Variants in CALN1 observed in about 807,000 individuals in gnomAD.
CALN1 encodes calcium-binding protein 8.
Under a neutral mutation model 30.6 loss-of-function variants are expected in CALN1, and 17 were observed. That is an observed-to-expected ratio of 0.56 (90% CI 0.38 to 0.83). The LOEUF (loss-of-function observed/expected upper bound fraction) is 0.83. CALN1 is among the 40% of genes least tolerant of loss of function. CALN1 has a pLI of 0.00. For missense variants in CALN1, 291 were observed against 354.9 expected (o/e 0.82, Z 1.45); for synonymous variants, 156 against 131.4 (o/e 1.19, Z -1.28).
chr7:72,219,034 T>G (rs955539511), intron 3 of CALN1, among the ~76,000 whole-genome samples: 2 of 152,204 alleles, frequency 1.3e-5, no homozygotes, highest in Non-Finnish European at 2.9e-5. Context: ...GCACCCTACC[T>G]GAATTACCCC....
intron 4 of CALN1, among the ~76,000 whole-genome samples, chr7:72,044,226 C>A (rs1000284128): frequency 1.3e-5 from 2 of 152,148 alleles, no homozygotes; most frequent in Non-Finnish European, 2.9e-5. Flanking sequence ...ACAGGAGGAG[C>A]AAATCAGATT....
intron 3 of CALN1, among the ~76,000 whole-genome samples, chr7:72,144,529 AT>A (rs1004283386): frequency 1.3e-5 from 2 of 152,168 alleles, no homozygotes. Flanking sequence ...TAATGGGAGA[AT>A]TTAACACTCC....
At chr7:72,336,871 G>C in intron 2 of CALN1, 1 of 984,972 alleles carries the variant, frequency 1.0e-6, no homozygotes, top group Non-Finnish European at 1.2e-6. Context: ...TCCCCGTGCC[G>C]GCATCCTCGC....
chr7:72,162,591 T>C (rs1170271359), intron 3 of CALN1, among the ~76,000 whole-genome samples: 1 of 151,206 alleles, frequency 6.6e-6, no homozygotes, highest in Non-Finnish European at 1.5e-5. Flanking sequence ...AAAAAAAAAT[T>C]AGCCAGGCAT....
At chr7:71,959,636 T>A (rs1797138119) in intron 5 of CALN1, among the ~76,000 whole-genome samples, 1 of 145,028 alleles carries the variant, frequency 6.9e-6, no homozygotes, top group Non-Finnish European at 1.5e-5. Context: ...TTTTTTTTTT[T>A]AAGTGGGGGA....
the CALN1 span, among the ~76,000 whole-genome samples, chr7:72,453,722 T>C: frequency 4.6e-5 from 7 of 152,220 alleles, no homozygotes; most frequent in Admixed American, 4.6e-4. Flanking sequence ...AGAATTTTCC[T>C]TGGAGATTCC....
rs201761475 is a variant in CALN1 at position 71,857,022 on chromosome 7, G to GTA, written c.502-46531_502-46530insTA. Reference sequence around the variant, plus strand: ...CCTCATGGTGTGTATATGTATGTGTGTGTGTGTGTGTGTGTGTGTGTGTGT... The same window carrying GTA: ...CCTCATGGTGTGTATATGTATGTGTGTATGTGTGTGTGTGTGTGTGTGTGTGT... On this transcript the variant is annotated intron_variant, in intron 5 of 6. Coordinates refer to ENST00000395275, the MANE Select transcript of CALN1 (RefSeq NM_031468.4). 1.7e-3 allele frequency among the ~76,000 whole-genome samples: 177 copies of GTA among 106,800 alleles called. 3 individuals carry two copies. The highest frequency in any genetic ancestry group is 0.014 in the East Asian group (22 of 1,562). The allele number at this position is 106,800 out of a possible 152,430, so 70.1% of individuals were successfully genotyped here.
chr7:72,315,253 C>A (rs1352848273), intron 2 of CALN1, among the ~76,000 whole-genome samples: 1 of 152,052 alleles, frequency 6.6e-6, no homozygotes, highest in Non-Finnish European at 1.5e-5. Context: ...GTAATAAAGG[C>A]TACTATTCTT....
chr7:72,223,200 G>T (rs532096639), intron 3 of CALN1, among the ~76,000 whole-genome samples: 3 of 152,188 alleles, frequency 2.0e-5, no homozygotes, highest in Admixed American at 2.0e-4. Flanking sequence ...GAGGAGAAGA[G>T]GGGTTCCCAT....
intron 2 of CALN1, among the ~76,000 whole-genome samples, chr7:72,372,304 C>T (rs1804294457): frequency 6.6e-6 from 1 of 152,058 alleles, no homozygotes; most frequent in South Asian, 2.1e-4. Flanking sequence ...TATGTGGTCC[C>T]AAATGGATGG....
the CALN1 span, among the ~76,000 whole-genome samples, chr7:72,468,554 T>C: frequency 1.2e-4 from 18 of 152,296 alleles, no homozygotes; most frequent in Admixed American, 5.2e-4. Flanking sequence ...GCTGAAGTGA[T>C]CTGCCAGACT....
At chr7:71,898,460 A>G (rs1429403076) in intron 5 of CALN1, among the ~76,000 whole-genome samples, 1 of 152,222 alleles carries the variant, frequency 6.6e-6, no homozygotes, top group Non-Finnish European at 1.5e-5. Flanking sequence ...CTCCTGAATG[A>G]TACCGGTAGA....
In CALN1 at chr7:72,308,364, T is replaced by G. The variant is rs866761712; in HGVS notation, c.120-29554A>C. On this transcript the variant is annotated intron_variant, in intron 2 of 6. Coordinates refer to ENST00000395275, the MANE Select transcript of CALN1 (RefSeq NM_031468.4). ...GGGCCACAGAGTGAGATGCTGTCTGTGGGGGGGGGAGAGAGAGAGAGAGAG... is the reference window on the plus strand; with the variant it reads ...GGGCCACAGAGTGAGATGCTGTCTGGGGGGGGGGGAGAGAGAGAGAGAGAG... Among the ~76,000 whole-genome samples, 53 of 57,876 alleles carry G rather than the reference T, an allele frequency of 9.2e-4. 1 individual carries two copies. The highest frequency in any genetic ancestry group is 6.3e-3 in the African/African-American group (48 of 7,604). The allele number at this position is 57,876 out of a possible 152,430, so 38.0% of individuals were successfully genotyped here.
chr7:72,327,208 T>C (rs888647254), intron 2 of CALN1, among the ~76,000 whole-genome samples: 2 of 152,206 alleles, frequency 1.3e-5, no homozygotes, highest in East Asian at 1.9e-4. Context: ...TAACACTTGA[T>C]TGAGGCTGGG....
At chr7:71,883,954 G>A (rs1295025095) in intron 5 of CALN1, among the ~76,000 whole-genome samples, 4 of 152,102 alleles carry the variant, frequency 2.6e-5, no homozygotes, top group Middle Eastern at 6.8e-3. Context: ...TCTCTCTGTT[G>A]CCAGGTTGGA....
chr7:72,410,719 G>A (rs1807066435), intron 1 of CALN1, among the ~76,000 whole-genome samples: 1 of 152,008 alleles, frequency 6.6e-6, no homozygotes, highest in African/African-American at 2.4e-5. Flanking sequence ...AATTAACATT[G>A]AAAATCAGAG....
intron 3 of CALN1, among the ~76,000 whole-genome samples, chr7:72,192,425 T>C (rs926433732): frequency 7.9e-5 from 12 of 152,116 alleles, no homozygotes; most frequent in African/African-American, 1.4e-4. Flanking sequence ...GGGGCGGGCA[T>C]TGTTCTGTCA....
In CALN1 at chr7:72,332,443, G is replaced by C. The variant is rs1251869890; in HGVS notation, c.120-53633C>G. Among the ~76,000 whole-genome samples, 3 of 152,002 alleles carry C rather than the reference G, an allele frequency of 2.0e-5. No individual in the cohort carries two copies. In the East Asian group the frequency reaches 5.8e-4, roughly 29 times the overall value. ...CACATGTGTGGGTGTGTCTTATGGA[G>C]AGCTGCTTCCACCCCAGCCCTGTTT... On this transcript the variant is annotated intron_variant, in intron 2 of 6. Coordinates refer to ENST00000395275, the MANE Select transcript of CALN1 (RefSeq NM_031468.4).
intron 5 of CALN1, among the ~76,000 whole-genome samples, chr7:71,954,213 G>A (rs1344064338): frequency 2.0e-5 from 3 of 151,998 alleles, no homozygotes; most frequent in Admixed American, 6.6e-5. Flanking sequence ...TAATCATAGC[G>A]CTTTGGGAGG....
Sources: allele counts gnomAD v4.1 joint callset (sites outside exome capture counted in the v4.1 genomes callset), GRCh38; gene constraint gnomAD v4.1.1; transcripts MANE v1.5; gene names NCBI Gene and HGNC (gene_info 2026-07-23, HGNC 2026-07-21).